TPST2: variants seen among roughly 807,000 people sequenced by gnomAD.
TPST2 encodes tyrosylprotein sulfotransferase 2, also known as protein-tyrosine sulfotransferase 2.
In TPST2, 16 loss-of-function variants were observed where a neutral mutation model predicts 27.8. The observed-to-expected ratio is 0.58, with a 90% confidence interval of 0.39 to 0.88. TPST2 has a LOEUF of 0.88. Ranked by LOEUF, TPST2 falls within the 40% of genes least tolerant of loss-of-function variation. TPST2 has a pLI of 0.00. For synonymous variants in TPST2, 229 were observed against 231.7 expected (o/e 0.99, Z 0.10); for missense variants, 464 against 543.1 (o/e 0.85, Z 1.45).
chr22:26,546,076 C>CAA (rs756682739), intron 1 of TPST2, among the ~76,000 whole-genome samples: 25 of 69,776 alleles, frequency 3.6e-4, no homozygotes, highest in Admixed American at 2.3e-3. Context: ...GACCACGTCT[C>CAA]AAAAAAAAAA....
chr22:26,580,523 C>T (rs1420361592), intron 1 of TPST2, among the ~76,000 whole-genome samples: 2 of 152,182 alleles, frequency 1.3e-5, no homozygotes, highest in African/African-American at 4.8e-5. Context: ...CACTACCTTC[C>T]CAATGTTAAT....
At position 26,532,783 on chromosome 22, in the gene TPST2, T is replaced by C. The variant is rs754030749; in HGVS notation, c.1042-38A>G. On this transcript the variant is annotated intron_variant, in intron 4 of 6. Coordinates refer to ENST00000338754, the MANE Select transcript of TPST2 (RefSeq NM_003595.5). ...AAAAGAAATATCACTATTATGAAAATGGCCAAAAAATAAAATTTAGTCATT... is the reference window on the plus strand; with the variant it reads ...AAAAGAAATATCACTATTATGAAAACGGCCAAAAAATAAAATTTAGTCATT... 36 of 1,601,210 alleles carry C rather than the reference T, an allele frequency of 2.2e-5. No homozygotes were observed. In the South Asian group the frequency reaches 2.6e-4, roughly 11 times the overall value.
chr22:26,529,868 T>TAA (rs913555701), intron 5 of TPST2, among the ~76,000 whole-genome samples: 3 of 148,518 alleles, frequency 2.0e-5, no homozygotes, highest in African/African-American at 7.4e-5. Flanking sequence ...GCCTTGAATT[T>TAA]AAAAAAAAAA....
Position 26,528,260 on chromosome 22 carries a change from CACCTGGAGAA to C in TPST2, c.1093-8_1094del. The C allele has an allele frequency of 6.4e-7, 1 of 1,562,274 alleles. No individual in the cohort carries two copies. Among genetic ancestry groups the C allele is most frequent in the Non-Finnish European group, 8.7e-7 (1 of 1,151,562 alleles). Reference sequence around the variant, plus strand: ...AGTGGGAGGAGGTGCTGTTCTGGTTCACCTGGAGAAAGACAATACACAGAAGAAGGGGTCA... The same window carrying C: ...AGTGGGAGGAGGTGCTGTTCTGGTTCAGACAATACACAGAAGAAGGGGTCA... On this transcript the variant is annotated splice_acceptor_variant and splice_polypyrimidine_tract_variant and coding_sequence_variant and intron_variant, in exon 6 of 7. Coordinates refer to ENST00000338754, the MANE Select transcript of TPST2 (RefSeq NM_003595.5). LOFTEE classifies it high-confidence loss of function.
chr22:26,542,865 C>T (rs73160900), intron 2 of TPST2, among the ~76,000 whole-genome samples: 56 of 152,276 alleles, frequency 3.7e-4, no homozygotes, highest in Non-Finnish European at 7.2e-4. Context: ...GAGGTTCCAC[C>T]CAAAACCACC....
rs530207299 is a variant in TPST2 at position 26,542,626 on chromosome 22, G to A, written c.-88-908C>T. Among the ~76,000 whole-genome samples, 11 of 152,286 alleles carry A rather than the reference G, an allele frequency of 7.2e-5. 1 individual carries two copies. Among genetic ancestry groups the A allele is most frequent in the Admixed American group, 6.5e-4 (10 of 15,294 alleles). On this transcript the variant is annotated intron_variant, in intron 2 of 6. Coordinates refer to ENST00000338754, the MANE Select transcript of TPST2 (RefSeq NM_003595.5). ...AGAGAGATTGATGGGTTCTACCTGC[G>A]TAGGTGAGGGAAGGCCTCCTGCAGG...
chr22:26,541,540 A>C lies in TPST2; in HGVS notation c.91T>G (p.Cys31Gly), dbSNP rs769734445. 3 of 1,611,420 alleles carry C rather than the reference A, an allele frequency of 1.9e-6. No individual in the cohort carries two copies. Among genetic ancestry groups the C allele is most frequent in the Non-Finnish European group, 2.5e-6 (3 of 1,179,156 alleles). The change falls in exon 3 of 7, where the codon TGC (cysteine) becomes GGC (glycine). Residue 31 changes from cysteine (C) to glycine (G), a missense_variant. By Grantham distance (159) the Cys-to-Gly change is radical. Transcript: ENST00000338754. The surrounding 1 kb of genome is among the most constrained non-coding windows in gnomAD (Gnocchi z 5.9). ...AVQLGQQVLECRAVLAGLRSP... is the reference protein window; with the variant it reads ...AVQLGQQVLEGRAVLAGLRSP... ...CGCAGGCCCGCCAGCACCGCCCGGC[A>C]CTCTAGCACCTGCTGTCCCAGCTGA...
chr22:26,554,064 G>A (rs1445666835), intron 1 of TPST2, among the ~76,000 whole-genome samples: 2 of 152,282 alleles, frequency 1.3e-5, no homozygotes, highest in South Asian at 2.1e-4. Context: ...TATTAGCCAC[G>A]TTTTACAGAA....
intron 1 of TPST2, among the ~76,000 whole-genome samples, chr22:26,568,204 C>A (rs1927451590): frequency 6.6e-6 from 1 of 152,208 alleles, no homozygotes. Flanking sequence ...TACAAATAAA[C>A]AGATATATAC....
At position 26,526,080 on chromosome 22, in the gene TPST2, GT is replaced by G. The variant is rs1165281097; in HGVS notation, c.*194del. The G allele has an allele frequency of 6.6e-6, 1 of 151,978 alleles. No homozygotes were observed. Among genetic ancestry groups the G allele is most frequent in the East Asian group, 1.9e-4 (1 of 5,196 alleles). The allele number at this position is 151,978 out of a possible 1,614,324, so 9.4% of individuals were successfully genotyped here. On this transcript the variant is annotated 3_prime_UTR_variant, in exon 7 of 7. Transcript: ENST00000338754. Reference sequence around the variant, plus strand: ...CATACCCTTCATTCTCTACCCTGGAGTGTCCAGAGATAGAGAGTTTCAAGGT... The same window carrying G: ...CATACCCTTCATTCTCTACCCTGGAGGTCCAGAGATAGAGAGTTTCAAGGT...
intron 3 of TPST2, among the ~76,000 whole-genome samples, chr22:26,539,566 C>T (rs1925674573): frequency 1.3e-5 from 2 of 150,026 alleles, no homozygotes; most frequent in African/African-American, 4.9e-5. Flanking sequence ...GGTTGGAGAC[C>T]AGCCTGGAAG....
At chr22:26,576,082 T>C (rs1201778651) in intron 1 of TPST2, among the ~76,000 whole-genome samples, 2 of 149,822 alleles carry the variant, frequency 1.3e-5, no homozygotes, top group Non-Finnish European at 1.5e-5. Flanking sequence ...CACAAAAAAA[T>C]TTAAGGAAAT....
intron 1 of TPST2, among the ~76,000 whole-genome samples, chr22:26,576,311 G>A (rs780360953): frequency 2.8e-4 from 42 of 152,108 alleles, no homozygotes; most frequent in Non-Finnish European, 5.7e-4. Flanking sequence ...ACATTCCTGG[G>A]AGACTCTCTG....
At chr22:26,571,715 A>C (rs959137871) in intron 1 of TPST2, among the ~76,000 whole-genome samples, 17 of 152,088 alleles carry the variant, frequency 1.1e-4, no homozygotes, top group African/African-American at 3.9e-4. Context: ...CAATCAACCT[A>C]AACTCCTAAT....
At chr22:26,588,846 A>C (rs897438520) in intron 1 of TPST2, among the ~76,000 whole-genome samples, 1 of 152,176 alleles carries the variant, frequency 6.6e-6, no homozygotes, top group African/African-American at 2.4e-5. Context: ...CTGAGATGAA[A>C]GGGTTATCAC....
At chr22:26,583,808 C>G (rs1928222258) in intron 1 of TPST2, among the ~76,000 whole-genome samples, 1 of 152,190 alleles carries the variant, frequency 6.6e-6, no homozygotes, top group South Asian at 2.1e-4. Flanking sequence ...CCATTGCACT[C>G]CAGCCTGGGC....
Position 26,554,094 on chromosome 22 carries a change from G to A in TPST2, c.-160-9419C>T, listed in dbSNP as rs866323322. 3.9e-5 allele frequency among the ~76,000 whole-genome samples: 6 copies of A among 152,304 alleles called. No individual in the cohort carries two copies. In the Middle Eastern group the frequency reaches 0.01, roughly 259 times the overall value. ...ACAGAAGGGGAAACTGAGGCTTAGA[G>A]AGGTGAAGTGCTTTGTTGGAGATCA... On this transcript the variant is annotated intron_variant, in intron 1 of 6. Transcript: ENST00000338754.
intron 4 of TPST2, chr22:26,535,829 G>C: frequency 3.1e-6 from 1 of 320,946 alleles, no homozygotes; most frequent in Non-Finnish European, 6.1e-6. Context: ...TAACTAAGGA[G>C]AATTTTAAGC....
chr22:26,522,319 AC>A lies in TPST2; in HGVS notation c.*3955del, dbSNP rs1421598556. On this transcript the variant is annotated 3_prime_UTR_variant, in exon 7 of 7. Transcript: ENST00000338754. ...AAAGCTAGTTATATATAATAATAGC[AC>A]CCAAGTAATGTATAGATTACCATGT... The A allele has an allele frequency of 2.0e-5, 3 of 152,186 alleles. No individual in the cohort carries two copies. The highest frequency in any genetic ancestry group is 7.2e-5 in the African/African-American group (3 of 41,444). 9.4% of individuals were successfully genotyped at this position (152,186 alleles called of 1,614,324 possible). A position where few individuals can be genotyped will look rare whatever the true frequency, so the allele number is the denominator to read the frequency against.
Sources: allele counts gnomAD v4.1 joint callset (sites outside exome capture counted in the v4.1 genomes callset), GRCh38; gene constraint gnomAD v4.1.1; non-coding constraint Gnocchi (gnomAD v3.1); transcripts MANE v1.5; gene names NCBI Gene and HGNC (gene_info 2026-07-23, HGNC 2026-07-21).